The following NIBAN2 variants were observed in gnomAD, a reference collection of about 807,000 sequenced individuals.
NIBAN2 encodes the protein protein Niban 2.
A neutral mutation model predicts 81.8 loss-of-function variants in NIBAN2; 36 were observed. That is an observed-to-expected ratio of 0.44 (90% CI 0.34 to 0.58). The LOEUF is 0.58. Ranked by LOEUF, NIBAN2 falls within the 20% of genes least tolerant of loss-of-function variation. The pLI, the probability that NIBAN2 is intolerant of heterozygous loss-of-function variation, is 0.02. For synonymous variants in NIBAN2, 445 were observed against 441.6 expected (o/e 1.01, Z -0.10); for missense variants, 897 against 1,014.1 (o/e 0.88, Z 1.57).
chr9:127,572,399 C>T (rs372049325), upstream of NIBAN2, among the ~76,000 whole-genome samples: 7 of 152,166 alleles, frequency 4.6e-5, 1 homozygote, highest in Admixed American at 3.9e-4. Context: ...AAGAAAGTCA[C>T]GGTCCTCGTC....
chr9:127,568,838 G>A lies in NIBAN2; in HGVS notation c.37C>T (p.Arg13Trp). 2 of 1,370,354 alleles carry A rather than the reference G, an allele frequency of 1.5e-6. No individual in the cohort carries two copies. Among genetic ancestry groups the A allele is most frequent in the East Asian group, 3.3e-5 (1 of 30,134 alleles). The allele number at this position is 1,370,354 out of a possible 1,614,324, so 84.9% of individuals were successfully genotyped here. Reference protein sequence around the residue: ...DVLSTHLDDARRQHIAEKTGK... With the variant: ...DVLSTHLDDAWRQHIAEKTGK... ...CCCTCACCTGCGATGTGCTGGCGCC[G>A]GGCGTCGTCCAGGTGCGTGGACAGC... The change falls in exon 1 of 14, where the codon CGG becomes TGG. Residue 13 changes from arginine to tryptophan, a missense_variant. Arg to Trp is a moderately radical substitution (Grantham distance 101). Around this residue, in one of 3 missense-constraint regions of NIBAN2, gnomAD observed 209 missense variants for 208.4 expected, o/e 1.00. Transcript: ENST00000373312.
At chr9:127,510,113 G>GA in intron 9 of NIBAN2, 33 bp downstream of exon 9, 1 of 1,580,540 alleles carries the variant, frequency 6.3e-7, no homozygotes, top group Non-Finnish European at 8.6e-7. Flanking sequence ...CTACTCTCAG[G>GA]AGACCCCCTC....
At chr9:127,525,195 G>A (rs1279741081) in intron 3 of NIBAN2, 32 bp from the exon 4 acceptor site, 2 of 1,568,368 alleles carry the variant, frequency 1.3e-6, no homozygotes, top group Non-Finnish European at 8.8e-7. Context: ...GTCCCTGAGG[G>A]TTAAGGTGCG....
intron 9 of NIBAN2, 103 bp downstream of exon 9, chr9:127,510,043 C>T: frequency 8.8e-7 from 1 of 1,136,140 alleles, no homozygotes; most frequent in South Asian, 1.6e-5. Flanking sequence ...ACAGGGACGG[C>T]CTTGGAGGGG....
intron 1 of NIBAN2, among the ~76,000 whole-genome samples, chr9:127,553,648 A>C (rs886239862): frequency 2.0e-5 from 3 of 152,350 alleles, no homozygotes; most frequent in East Asian, 1.9e-4. Flanking sequence ...AGCCTCGTGC[A>C]GCGCATGCTT....
chr9:127,562,796 T>C (rs1301214492), intron 1 of NIBAN2, among the ~76,000 whole-genome samples: 1 of 152,148 alleles, frequency 6.6e-6, no homozygotes, highest in African/African-American at 2.4e-5. Flanking sequence ...AACAACCTCA[T>C]GTCCAGCATT....
chr9:127,506,049 C>G lies in NIBAN2; in HGVS notation c.*796G>C, dbSNP rs1836587377. 1 of 153,272 alleles carries G rather than the reference C, an allele frequency of 6.5e-6. No individual in the cohort carries two copies. Among genetic ancestry groups the G allele is most frequent in the East Asian group, 1.9e-4 (1 of 5,196 alleles). The allele number at this position is 153,272 out of a possible 1,614,324, so 9.5% of individuals were successfully genotyped here. A position where few individuals can be genotyped will look rare whatever the true frequency, so the allele number is the denominator to read the frequency against. On this transcript the variant is annotated 3_prime_UTR_variant, in exon 14 of 14. Transcript: ENST00000373312. ...ACCAGAGGGAGACCTGTGGGCCAGGCGGGCAGGAGGGAGGCAGGCTGGGGC... is the reference window on the plus strand; with the variant it reads ...ACCAGAGGGAGACCTGTGGGCCAGGGGGGCAGGAGGGAGGCAGGCTGGGGC...
At chr9:127,558,929 G>A (rs1255398747) in intron 1 of NIBAN2, among the ~76,000 whole-genome samples, 1 of 152,002 alleles carries the variant, frequency 6.6e-6, no homozygotes, top group African/African-American at 2.4e-5. Flanking sequence ...CAGCCCAAAG[G>A]CAGGGAGCAC....
At chr9:127,541,928 G>A (rs539828781) in intron 1 of NIBAN2, among the ~76,000 whole-genome samples, 4 of 152,174 alleles carry the variant, frequency 2.6e-5, no homozygotes, top group African/African-American at 7.2e-5. Context: ...CCAACAGGGT[G>A]AGGCAGGCTC....
At chr9:127,560,583 C>T (rs1260945889) in intron 1 of NIBAN2, among the ~76,000 whole-genome samples, 3 of 152,180 alleles carry the variant, frequency 2.0e-5, no homozygotes, top group African/African-American at 7.2e-5. Context: ...CTTACACCTT[C>T]CCAAGGAAGG....
Position 127,517,745 on chromosome 9 carries a change from C to T in NIBAN2, c.705+81G>A, listed in dbSNP as rs538793637. The T allele has an allele frequency of 1.4e-3, 1,470 of 1,054,530 alleles. No individual in the cohort carries two copies. Among genetic ancestry groups the T allele is most frequent in the Non-Finnish European group, 1.5e-3 (1,043 of 695,072 alleles). The allele number at this position is 1,054,530 out of a possible 1,614,324, so 65.3% of individuals were successfully genotyped here. A position where few individuals can be genotyped will look rare whatever the true frequency, so the allele number is the denominator to read the frequency against. ...AACCGGCAGCGCCCCAGAGCCCCAT[C>T]TCTGTACCCCACCCCCTGCCCTCCC... On this transcript the variant is annotated intron_variant, in intron 6 of 13. Coordinates refer to ENST00000373312, the MANE Select transcript of NIBAN2 (RefSeq NM_022833.4). The surrounding 1 kb of genome is among the most constrained non-coding windows in gnomAD (Gnocchi z 4.0).
At chr9:127,577,655 C>A (rs537999025) in intron 1 of NIBAN2, among the ~76,000 whole-genome samples, 53 of 152,174 alleles carry the variant, frequency 3.5e-4, no homozygotes, top group African/African-American at 1.3e-3. Context: ...CCTCCAGATC[C>A]AATCCTAGAG....
In NIBAN2 at chr9:127,508,007, G is replaced by T; in HGVS notation, c.1543-29C>A. 1 of 1,613,026 alleles carries T rather than the reference G, an allele frequency of 6.2e-7. No individual in the cohort carries two copies. The highest frequency in any genetic ancestry group is 8.5e-7 in the Non-Finnish European group (1 of 1,179,064). ...CCCGGGTGGGGCGGCAGAGATGAGA[G>T]GTCAGGGCCAAGGGTAGAGGGAGGC... On this transcript the variant is annotated intron_variant, in intron 12 of 13. Transcript: ENST00000373312. The surrounding 1 kb of genome is among the most constrained non-coding windows in gnomAD (Gnocchi z 6.4).
intron 1 of NIBAN2, among the ~76,000 whole-genome samples, chr9:127,567,294 C>G (rs868270080): frequency 3.3e-5 from 5 of 152,158 alleles, no homozygotes; most frequent in Non-Finnish European, 7.4e-5. Context: ...GTTACAGAGC[C>G]CCAGGAGCTT....
intron 1 of NIBAN2, among the ~76,000 whole-genome samples, chr9:127,549,206 G>A (rs548005640): frequency 6.6e-6 from 1 of 152,192 alleles, no homozygotes; most frequent in Non-Finnish European, 1.5e-5. Flanking sequence ...AAACCCCACA[G>A]ATCTCATCAG....
At position 127,536,578 on chromosome 9, in the gene NIBAN2, T is replaced by C. The variant is rs1157098151; in HGVS notation, c.56-4800A>G. On this transcript the variant is annotated intron_variant, in intron 1 of 13. Transcript: ENST00000373312. This position sits in a 1 kb window ranked among gnomAD's most constrained non-coding sequence, Gnocchi z 4.0. ...AGCCCGGGCACCCCTCTTTCCTCCATACTTGCCCACAGCAGCTCTTTCCAT... is the reference window on the plus strand; with the variant it reads ...AGCCCGGGCACCCCTCTTTCCTCCACACTTGCCCACAGCAGCTCTTTCCAT... Among the ~76,000 whole-genome samples the C allele has an allele frequency of 6.6e-6, 1 of 152,220 alleles. No individual in the cohort carries two copies. Among genetic ancestry groups the C allele is most frequent in the African/African-American group, 2.4e-5 (1 of 41,470 alleles).
rs753855281 is a variant in NIBAN2 at position 127,531,750 on chromosome 9, G to A, written c.84C>T (p.Phe28=). The A allele has an allele frequency of 1.2e-6, 2 of 1,614,210 alleles. No individual in the cohort carries two copies. The highest frequency in any genetic ancestry group is 1.7e-6 in the Non-Finnish European group (2 of 1,180,036). Residue 28 remains phenylalanine (F), a synonymous_variant, in exon 2 of 14, where the codon TTC becomes TTT. Transcript: ENST00000373312. ...AEKTGKILTE[F]LQFYEDQYGV... ...CATACTGGTCTTCATAGAACTGGAGGAACTCCGTCAGGATCTTCCCGGTTT... is the reference window on the plus strand; with the variant it reads ...CATACTGGTCTTCATAGAACTGGAGAAACTCCGTCAGGATCTTCCCGGTTT...
At chr9:127,575,938 CT>C (rs1838003885) in intron 1 of NIBAN2, among the ~76,000 whole-genome samples, 1 of 152,166 alleles carries the variant, frequency 6.6e-6, no homozygotes, top group Admixed American at 6.5e-5. Flanking sequence ...CCCTGCCCCC[CT>C]ACTAGGTCAG....
At chr9:127,565,946 T>TCTCTCTCTCTCACACACA (rs751937125) in intron 1 of NIBAN2, among the ~76,000 whole-genome samples, 25 of 130,618 alleles carry the variant, frequency 1.9e-4, no homozygotes, top group African/African-American at 7.7e-4. Flanking sequence ...TCTCTCTCTC[T>TCTCTCTCTCTCACACACA]CACACACACA....
Sources: allele counts gnomAD v4.1 joint callset (sites outside exome capture counted in the v4.1 genomes callset), GRCh38; gene constraint gnomAD v4.1.1; regional missense constraint gnomAD v4.1.1; non-coding constraint Gnocchi (gnomAD v3.1); transcripts MANE v1.5; gene names NCBI Gene and HGNC (gene_info 2026-07-23, HGNC 2026-07-21).